Variants in REL observed in about 807,000 individuals in gnomAD.
REL encodes the protein proto-oncogene c-Rel.
A neutral mutation model predicts 45.9 loss-of-function variants in REL; 15 were observed. The ratio of observed to expected loss-of-function variants is 0.33; its 90% CI spans 0.22 to 0.50. REL has a LOEUF of 0.50. Among genes scored for constraint, REL ranks in the 20% least tolerant of loss-of-function variants. REL has a pLI of 0.98. For missense variants in REL, 601 were observed against 715.2 expected (o/e 0.84, Z 1.82); for synonymous variants, 239 against 242.1 (o/e 0.99, Z 0.12).
chr2:60,913,885 G>A (rs542307294), intron 4 of REL, among the ~76,000 whole-genome samples: 12 of 152,136 alleles, frequency 7.9e-5, no homozygotes, highest in African/African-American at 2.2e-4. Flanking sequence ...TTTTATTAAC[G>A]TTTACTTTAT....
chr2:60,897,009 C>G (rs1441411558), intron 3 of REL, among the ~76,000 whole-genome samples: 2 of 152,116 alleles, frequency 1.3e-5, no homozygotes, highest in Non-Finnish European at 1.5e-5. Context: ...CTAAAAATAT[C>G]CCTTCAGTTT....
At position 60,894,417 on chromosome 2, in the gene REL, A is replaced by C; in HGVS notation, c.174A>C (p.Lys58Asn). Residue 58 changes from lysine (K) to asparagine (N), a missense_variant, in exon 3 of 10, where the codon AAA (lysine) becomes AAC (asparagine). Physicochemically the swap from Lys to Asn is moderately conservative, Grantham distance 94 (BLOSUM62 0). Around this residue, in one of 4 missense-constraint regions of REL, gnomAD observed 241 missense variants for 347.0 expected, o/e 0.69. Transcript: ENST00000394479. ...TTCAGATTATGAACTATTATGGAAA[A>C]GGAAAAGTGAGAATTACATTAGTAA... Reference protein sequence around the residue: ...PSIQIMNYYGKGKVRITLVTK... With the variant: ...PSIQIMNYYGNGKVRITLVTK... The C allele has an allele frequency of 6.4e-7, 1 of 1,565,838 alleles. No homozygotes were observed. Among genetic ancestry groups the C allele is most frequent in the Non-Finnish European group, 8.7e-7 (1 of 1,149,292 alleles).
chr2:60,898,918 G>A (rs1673426229), intron 3 of REL: 1 of 152,140 alleles, frequency 6.6e-6, no homozygotes, highest in African/African-American at 2.4e-5. Context: ...GAATGTCTGT[G>A]AATGAATGAA....
intron 1 of REL, among the ~76,000 whole-genome samples, chr2:60,889,499 A>G (rs999991754): frequency 6.6e-6 from 1 of 152,128 alleles, no homozygotes; most frequent in Non-Finnish European, 1.5e-5. Context: ...GTTTTAGGGT[A>G]CATGTACACA....
chr2:60,925,967 T>C lies in REL; in HGVS notation c.*3432T>C, dbSNP rs1403114533. 44 of 226,312 alleles carry C rather than the reference T, an allele frequency of 1.9e-4. No homozygotes were observed. In the East Asian group the frequency reaches 2.8e-3, roughly 14 times the overall value. 14.0% of individuals were successfully genotyped at this position (226,312 alleles called of 1,614,324 possible). A position where few individuals can be genotyped will look rare whatever the true frequency, so the allele number is the denominator to read the frequency against. ...TGTGTGTAGAATATTCCCAATGGAT[T>C]TTTCATTTTTCAGGTGCTATTTTTT... On this transcript the variant is annotated 3_prime_UTR_variant, in exon 10 of 10. Coordinates refer to ENST00000394479, the MANE Select transcript of REL (RefSeq NM_001291746.2).
intron 4 of REL, among the ~76,000 whole-genome samples, chr2:60,913,701 A>G (rs1175126301): frequency 1.3e-5 from 2 of 152,164 alleles, no homozygotes; most frequent in East Asian, 1.9e-4. Flanking sequence ...GTGGCCTCTC[A>G]TTCTGAACTG....
intron 4 of REL, among the ~76,000 whole-genome samples, chr2:60,906,872 CGTGT>C (rs992281698): frequency 3.3e-4 from 37 of 111,926 alleles, no homozygotes; most frequent in Non-Finnish European, 6.6e-4. Context: ...TGTGTGTGTG[CGTGT>C]GTGTATGTGT....
rs1025042479 is a variant in REL, at chr2:60,891,600, T to C, written c.11-83T>C. The stretch of plus-strand genomic sequence containing the variant: ...AAAAAATCTTTGTTTTAGTCTGCTG[T>C]TATAAAAAAAACAGAATGTTAAAAT... On this transcript the variant is annotated intron_variant, in intron 1 of 9. Transcript: ENST00000394479. The C allele has an allele frequency of 3.4e-5, 42 of 1,218,046 alleles. No individual in the cohort carries two copies. In the Admixed American group the frequency reaches 1.2e-3, roughly 33 times the overall value. 75.5% of individuals were successfully genotyped at this position (1,218,046 alleles called of 1,614,324 possible).
chr2:60,889,499 A>T (rs999991754), intron 1 of REL, among the ~76,000 whole-genome samples: 2 of 152,128 alleles, frequency 1.3e-5, no homozygotes, highest in Non-Finnish European at 2.9e-5. Context: ...GTTTTAGGGT[A>T]CATGTACACA....
chr2:60,898,462 G>T (rs1213727158), intron 3 of REL, among the ~76,000 whole-genome samples: 1 of 152,138 alleles, frequency 6.6e-6, no homozygotes, highest in Non-Finnish European at 1.5e-5. Context: ...TGTGTGGCCT[G>T]TTCCTTTTGC....
At chr2:60,919,007 G>T (rs1261878462) in intron 7 of REL, among the ~76,000 whole-genome samples, 2 of 152,078 alleles carry the variant, frequency 1.3e-5, no homozygotes, top group African/African-American at 4.8e-5. Context: ...TGGCTAGGCT[G>T]GTCTCTGCAT....
At chr2:60,900,791 G>A (rs1673473512) in intron 3 of REL, 1 of 482,158 alleles carries the variant, frequency 2.1e-6, no homozygotes, top group Non-Finnish European at 3.6e-6. Context: ...CCAAAGTGCT[G>A]GGATTACAGG....
intron 4 of REL, among the ~76,000 whole-genome samples, chr2:60,908,086 C>A (rs1009545579): frequency 1.3e-5 from 2 of 152,244 alleles, no homozygotes; most frequent in Middle Eastern, 3.4e-3. Context: ...GAGATAACAT[C>A]TTCCTAATTA....
Position 60,926,033 on chromosome 2 carries a change from T to G in REL, c.*3498T>G, listed in dbSNP as rs769006545. On this transcript the variant is annotated 3_prime_UTR_variant, in exon 10 of 10. Coordinates refer to ENST00000394479, the MANE Select transcript of REL (RefSeq NM_001291746.2). ...TTAATTTAAAATGAATTTGGTAACG[T>G]TTCTCCTCTGTCTCTACATATATTC... 3.1e-5 allele frequency: 7 copies of G among 228,970 alleles called. No individual in the cohort carries two copies. The highest frequency in any genetic ancestry group is 6.1e-5 in the Non-Finnish European group (7 of 115,162). 14.2% of individuals were successfully genotyped at this position (228,970 alleles called of 1,614,324 possible).
At chr2:60,882,633 C>T (rs1390168156) in intron 1 of REL, among the ~76,000 whole-genome samples, 1 of 151,942 alleles carries the variant, frequency 6.6e-6, no homozygotes, top group Non-Finnish European at 1.5e-5. Context: ...CGAGATCGCG[C>T]CCCTGCACTC....
chr2:60,915,362 T>C (rs1017209576), intron 4 of REL, among the ~76,000 whole-genome samples: 12 of 152,252 alleles, frequency 7.9e-5, no homozygotes, highest in Non-Finnish European at 1.3e-4. Flanking sequence ...AGCTCTCATA[T>C]TGCCTACACA....
intron 3 of REL, among the ~76,000 whole-genome samples, chr2:60,895,714 G>A (rs927444858): frequency 1.3e-5 from 2 of 152,178 alleles, no homozygotes; most frequent in Non-Finnish European, 2.9e-5. Context: ...CATGGCAAAA[G>A]CCTGAAAAAT....
chr2:60,905,626 C>T (rs979004167), intron 4 of REL, among the ~76,000 whole-genome samples: 5 of 152,114 alleles, frequency 3.3e-5, no homozygotes, highest in Non-Finnish European at 7.3e-5. Flanking sequence ...CTGTTCGGGT[C>T]TGCAGCAGCC....
rs1672935264 is a variant in REL, at chr2:60,881,585, C to G, written c.-256C>G. 2.0e-6 allele frequency: 1 copy of G among 490,772 alleles called. No individual in the cohort carries two copies. The allele number at this position is 490,772 out of a possible 1,614,324, so 30.4% of individuals were successfully genotyped here. On this transcript the variant is annotated 5_prime_UTR_variant, in exon 1 of 10. Transcript: ENST00000394479. ...TCGGCTGGGCCAGCACTCGGCTCTCCCCGCTCCGCCCCCTGCCCCTGGCTC... is the reference window on the plus strand; with the variant it reads ...TCGGCTGGGCCAGCACTCGGCTCTCGCCGCTCCGCCCCCTGCCCCTGGCTC...
Sources: gnomAD v4.1 joint callset for allele counts (sites outside exome capture counted in the v4.1 genomes callset) on GRCh38, gnomAD v4.1.1 for gene constraint, gnomAD v4.1.1 regional missense constraint, MANE v1.5 for transcripts, NCBI Gene and HGNC (gene_info 2026-07-23, HGNC 2026-07-21) for gene names.